Variants in INPP5E observed in about 807,000 individuals in gnomAD.
INPP5E encodes phosphatidylinositol polyphosphate 5-phosphatase type IV.
INPP5E carries 34 observed loss-of-function variants against 50.5 expected under a neutral mutation model. The observed-to-expected ratio is 0.67, with a 90% CI of 0.51 to 0.90. The LOEUF (loss-of-function observed/expected upper bound fraction) is 0.90. Among genes scored for constraint, INPP5E ranks in the 40% least tolerant of loss-of-function variants. The probability of loss-of-function intolerance (pLI) is 0.00; values close to 1 mark genes in which losing one functional copy is unlikely to be tolerated. For synonymous variants in INPP5E, 447 were observed against 406.0 expected (o/e 1.10, Z -1.21); for missense variants, 942 against 905.5 (o/e 1.04, Z -0.52).
At chr9:136,436,988 A>G (rs1835845658) in intron 1 of INPP5E, 1 of 152,248 alleles carries the variant, frequency 6.6e-6, no homozygotes, top group South Asian at 2.1e-4. Context: ...AGGTGTATCT[A>G]CGTCAACCGG....
chr9:136,437,492 C>T (rs1264984865), intron 1 of INPP5E: 3 of 152,528 alleles, frequency 2.0e-5, no homozygotes, highest in African/African-American at 7.2e-5. Flanking sequence ...CGGCCACAAG[C>T]CAAGGAACAA....
intron 1 of INPP5E, chr9:136,435,473 A>AT (rs1835809232): frequency 6.5e-6 from 1 of 153,360 alleles, no homozygotes; most frequent in Non-Finnish European, 1.5e-5. Context: ...CAGCCTCCCG[A>AT]GTAGCTGGGA....
intron 3 of INPP5E, among the ~76,000 whole-genome samples, chr9:136,433,644 A>AGGCCTTGGGGCCCGGCC (rs1466289157): frequency 6.6e-6 from 1 of 152,174 alleles, no homozygotes; most frequent in Non-Finnish European, 1.5e-5. Flanking sequence ...GGGGCCCGGG[A>AGGCCTTGGGGCCCGGCC]GGCCTTGGGG....
intron 1 of INPP5E, 85 bp downstream of exon 1, chr9:136,438,523 G>A (rs1177328148): frequency 1.2e-5 from 14 of 1,214,930 alleles, no homozygotes; most frequent in Non-Finnish European, 1.5e-5. Context: ...AAACGCTGCT[G>A]ATGGGAACGG....
intron 4 of INPP5E, 34 bp from the exon 5 acceptor site, chr9:136,433,109 G>C (rs1331320475): frequency 1.3e-6 from 2 of 1,483,184 alleles, no homozygotes; most frequent in Non-Finnish European, 1.8e-6. Flanking sequence ...TCACCTGTGG[G>C]ACGCTGCCAC....
In INPP5E at chr9:136,434,148, G is replaced by A. The variant is rs1442951702; in HGVS notation, c.937-14C>T. ...GGGCGGGAGCTCCTGGAAGGAGGGA[G>A]CATGTGGTGGGCCGGCTCCTCCCGA... On this transcript the variant is annotated splice_polypyrimidine_tract_variant and intron_variant, in intron 2 of 9. Coordinates refer to ENST00000371712, the MANE Select transcript of INPP5E (RefSeq NM_019892.6). 1.3e-6 allele frequency: 2 copies of A among 1,589,484 alleles called. No individual in the cohort carries two copies. The highest frequency in any genetic ancestry group is 1.7e-6 in the Non-Finnish European group (2 of 1,167,694).
chr9:136,438,652 G>C lies in INPP5E; in HGVS notation c.768C>G (p.Ser256=). The part of the protein sequence containing the change: ...DDCSLRSAKS[S]FSLLAPIRSK... The stretch of plus-strand genomic sequence containing the variant: ...TGCGGATGGGCGCCAGGAGGCTGAA[G>C]GAGGATTTGGCCGAGCGAAGGGAAC... The change falls in exon 1 of 10, where the codon TCC becomes TCG. Residue 256 remains serine (S), a synonymous_variant. Transcript: ENST00000371712. 6.3e-7 allele frequency: 1 copy of C among 1,583,042 alleles called. No homozygotes were observed. Among genetic ancestry groups the C allele is most frequent in the Non-Finnish European group, 8.6e-7 (1 of 1,165,200 alleles).
rs1171323331 is a variant in INPP5E at position 136,439,066 on chromosome 9, G to A, written c.354C>T (p.Ser118=). ...GTSPSRGSVQ[S]EGPGAPAHSC... is the part of the protein sequence containing the mutation. Reference sequence around the variant, plus strand: ...TGTGGGCGGGGGCCCCGGGGCCCTCGCTCTGCACTGAGCCCCTGGAGGGAC... The same window carrying A: ...TGTGGGCGGGGGCCCCGGGGCCCTCACTCTGCACTGAGCCCCTGGAGGGAC... Residue 118 remains serine (S), a synonymous_variant, in exon 1 of 10, where the codon AGC becomes AGT. Coordinates refer to ENST00000371712, the MANE Select transcript of INPP5E (RefSeq NM_019892.6). 1 of 1,567,232 alleles carries A rather than the reference G, an allele frequency of 6.4e-7. No homozygotes were observed. Among genetic ancestry groups the A allele is most frequent in the Admixed American group, 1.9e-5 (1 of 53,424 alleles).
chr9:136,434,167 C>T (rs1835777310), intron 2 of INPP5E, 33 bp from the exon 3 acceptor site: 2 of 1,494,534 alleles, frequency 1.3e-6, no homozygotes, highest in Non-Finnish European at 1.8e-6. Flanking sequence ...GGGCCGGCTC[C>T]TCCCGAAACC....
At chr9:136,434,928 G>C in intron 1 of INPP5E, 65 bp from the exon 2 acceptor site, 1 of 1,551,116 alleles carries the variant, frequency 6.4e-7, no homozygotes, top group Non-Finnish European at 8.7e-7. Context: ...TCTGGGCCAG[G>C]TCCCCAGGGA....
Position 136,438,761 on chromosome 9 carries a change from T to TTG in INPP5E, c.657_658dup (p.Lys220ThrfsTer175). 6.2e-7 allele frequency: 1 copy of TTG among 1,611,758 alleles called. No homozygotes were observed. Among genetic ancestry groups the TTG allele is most frequent in the Non-Finnish European group, 8.5e-7 (1 of 1,179,550 alleles). ...CACCAGGAGCGGCTGCGCGCGGAGC[T>TTG]TGTAGTCTGCAAGATCCGAGTCGAC... On this transcript the variant is annotated frameshift_variant, in exon 1 of 10. Coordinates refer to ENST00000371712, the MANE Select transcript of INPP5E (RefSeq NM_019892.6). LOFTEE classifies it high-confidence loss of function.
In INPP5E at chr9:136,430,985, C is replaced by T. The variant is rs373331546; in HGVS notation, c.1665+17G>A. On this transcript the variant is annotated intron_variant, in intron 8 of 9. Transcript: ENST00000371712. ...GCCCTGGAAGCACTCTGCACCGCAG[C>T]GGTGGGCAGGCCTCACCGTGTATGA... is the stretch of plus-strand genomic sequence containing the variant. 24 of 1,541,874 alleles carry T rather than the reference C, an allele frequency of 1.6e-5. No homozygotes were observed. The highest frequency in any genetic ancestry group is 3.3e-5 in the Admixed American group (2 of 59,828).
At chr9:136,434,900 AG>A in intron 1 of INPP5E, 37 bp from the exon 2 acceptor site, 1 of 1,587,350 alleles carries the variant, frequency 6.3e-7, no homozygotes, top group South Asian at 1.1e-5. Flanking sequence ...GGCCAGGCAC[AG>A]GACACATCCC....
rs200094721 is a variant in INPP5E at position 136,432,459 on chromosome 9, C to G, written c.1387+20G>C. 2.0e-6 allele frequency: 3 copies of G among 1,497,096 alleles called. No individual in the cohort carries two copies. In the African/African-American group the frequency reaches 4.2e-5, roughly 21 times the overall value. The allele number at this position is 1,497,096 out of a possible 1,614,324, so 92.7% of individuals were successfully genotyped here. On this transcript the variant is annotated intron_variant, in intron 6 of 9. Coordinates refer to ENST00000371712, the MANE Select transcript of INPP5E (RefSeq NM_019892.6). Reference sequence around the variant, plus strand: ...GCGAACCACGGCGGCACCACCCACACGCAGCGTGGACGCCCTCACCTGCGC... The same window carrying G: ...GCGAACCACGGCGGCACCACCCACAGGCAGCGTGGACGCCCTCACCTGCGC...
chr9:136,437,735 G>C (rs1475772153), intron 1 of INPP5E: 1 of 152,718 alleles, frequency 6.5e-6, no homozygotes, highest in Non-Finnish European at 1.5e-5. Context: ...TCCCGCCGCG[G>C]CTGACAGACA....
chr9:136,433,217 G>T lies in INPP5E; in HGVS notation c.1097C>A (p.Ala366Glu). The T allele has an allele frequency of 6.3e-7, 1 of 1,590,898 alleles. No homozygotes were observed. Residue 366 changes from alanine to glutamate, a missense_variant, in exon 4 of 10, where the codon GCG becomes GAG. By Grantham distance (107) the Ala-to-Glu change is moderately radical. Transcript: ENST00000371712. ...CGACATGTAGAGCACGCCGTGGGCC[G>T]CCGAGGACAGCAGCACATAGTGCGG... ...LGPHYVLLSS[A>E]AHGVLYMSLF...
rs1835780145 is a variant in INPP5E at position 136,434,268 on chromosome 9, G to A, written c.937-134C>T. ...GAAACTGAGGCCAGGGCCAAAAAGG[G>A]AGCTGCCCGGTCTCCGAGGCAGCCT... On this transcript the variant is annotated intron_variant, in intron 2 of 9. Transcript: ENST00000371712. 4 of 687,948 alleles carry A rather than the reference G, an allele frequency of 5.8e-6. No individual in the cohort carries two copies. In the Admixed American group the frequency reaches 6.8e-5, roughly 12 times the overall value. 42.6% of individuals were successfully genotyped at this position (687,948 alleles called of 1,614,324 possible). A position where few individuals can be genotyped will look rare whatever the true frequency, so the allele number is the denominator to read the frequency against.
intron 9 of INPP5E, 86 bp downstream of exon 9, chr9:136,430,191 C>G: frequency 6.6e-7 from 1 of 1,509,444 alleles, no homozygotes; most frequent in Non-Finnish European, 9.0e-7. Flanking sequence ...CAAGTGGAAC[C>G]CCACGATGAC....
Position 136,439,083 on chromosome 9 carries a change from T to C in INPP5E, c.337A>G (p.Arg113Gly). ...GGGCCCTCGCTCTGCACTGAGCCCC[T>C]GGAGGGACTGGTCCCATTCCGGGCT... ...LEARNGTSPS[R>G]GSVQSEGPGA... The change falls in exon 1 of 10, where the codon AGG (arginine) becomes GGG (glycine). Residue 113 changes from arginine (R) to glycine (G), a missense_variant. Transcript: ENST00000371712. 3.2e-6 allele frequency: 5 copies of C among 1,573,834 alleles called. No homozygotes were observed. The highest frequency in any genetic ancestry group is 3.4e-6 in the Non-Finnish European group (4 of 1,160,828).
Sources: gnomAD v4.1 joint callset for allele counts (sites outside exome capture counted in the v4.1 genomes callset) on GRCh38, gnomAD v4.1.1 for gene constraint, MANE v1.5 for transcripts, NCBI Gene and HGNC (gene_info 2026-07-23, HGNC 2026-07-21) for gene names.